Variants in NALCN observed in about 807,000 individuals in gnomAD.
The protein encoded by NALCN is sodium leak channel NALCN.
In NALCN, 111 loss-of-function variants were observed where a neutral mutation model predicts 225.3. The observed-to-expected ratio is 0.49, with a 90% CI of 0.42 to 0.58. NALCN has a LOEUF of 0.58. Among genes scored for constraint, NALCN ranks in the 20% least tolerant of loss-of-function variants. NALCN has a pLI of 0.00. For missense variants in NALCN, 1,378 were observed against 2,202.4 expected, an observed-to-expected ratio of 0.63 and a Z score of 7.49; for synonymous variants, 764 against 769.0, an observed-to-expected ratio of 0.99 and a Z score of 0.11.
At chr13:101,116,419 A>G in intron 18 of NALCN, 1 of 395,532 alleles carries the variant, frequency 2.5e-6, no homozygotes, top group South Asian at 2.2e-5. Flanking sequence ...AAATATTTTA[A>G]AATTGGCCCA....
intron 40 of NALCN, among the ~76,000 whole-genome samples, chr13:101,064,425 A>G (rs556326709): frequency 6.6e-6 from 1 of 152,200 alleles, no homozygotes; most frequent in Non-Finnish European, 1.5e-5. Flanking sequence ...GTACCTCAGA[A>G]CGTAAGGTTA....
intron 7 of NALCN, among the ~76,000 whole-genome samples, chr13:101,321,753 C>G (rs2044753017): frequency 6.6e-6 from 1 of 151,972 alleles, no homozygotes; most frequent in Non-Finnish European, 1.5e-5. Flanking sequence ...AAACAACACT[C>G]CATATATTCT....
chr13:101,141,771 A>G (rs2037090781), intron 17 of NALCN, among the ~76,000 whole-genome samples: 4 of 152,190 alleles, frequency 2.6e-5, no homozygotes, highest in Non-Finnish European at 5.9e-5. Flanking sequence ...GAGAGAAAGA[A>G]GATCCTGGAG....
chr13:101,073,631 G>A lies in NALCN; in HGVS notation c.4150C>T (p.Arg1384Ter), dbSNP rs1031314447. Residue 1384 changes from arginine (R) to a stop codon, truncating the protein, a stop_gained, in exon 37 of 44, where the codon CGA becomes TGA. Transcript: ENST00000251127. LOFTEE classifies it high-confidence loss of function. ...SAGKAITVLF[R>*]IVTGEDWNKI... ...TTCCAGTCTTCACCTGTGACAATTCGGAACAGTACGGTAATAGCTTTTCCA... is the reference window on the plus strand; with the variant it reads ...TTCCAGTCTTCACCTGTGACAATTCAGAACAGTACGGTAATAGCTTTTCCA... 1.9e-6 allele frequency: 3 copies of A among 1,613,336 alleles called. No homozygotes were observed. The highest frequency in any genetic ancestry group is 1.7e-5 in the Admixed American group (1 of 59,954).
At chr13:101,056,152 C>A (rs1314373856) in intron 43 of NALCN, among the ~76,000 whole-genome samples, 1 of 151,908 alleles carries the variant, frequency 6.6e-6, no homozygotes, top group Non-Finnish European at 1.5e-5. Context: ...TTCTTCTCCT[C>A]TGCCTCCTCA....
intron 15 of NALCN, among the ~76,000 whole-genome samples, chr13:101,165,618 C>T (rs781577777): frequency 2.0e-5 from 3 of 152,288 alleles, no homozygotes; most frequent in Middle Eastern, 3.4e-3. Flanking sequence ...TACAGGCATG[C>T]GCCACCATGT....
chr13:101,120,134 G>A (rs2035901481), intron 18 of NALCN, among the ~76,000 whole-genome samples: 1 of 152,076 alleles, frequency 6.6e-6, no homozygotes, highest in Non-Finnish European at 1.5e-5. Flanking sequence ...GGAATTTCCT[G>A]TTCATAGTAA....
intron 34 of NALCN, among the ~76,000 whole-genome samples, chr13:101,080,195 G>C (rs2033532732): frequency 6.6e-6 from 1 of 152,090 alleles, no homozygotes. Context: ...ATTAGTCAAG[G>C]CTGGAAAATG....
At chr13:101,402,654 C>T (rs1398353594) in intron 1 of NALCN, among the ~76,000 whole-genome samples, 1 of 152,134 alleles carries the variant, frequency 6.6e-6, no homozygotes, top group Admixed American at 6.5e-5. Flanking sequence ...CTACTTAACC[C>T]CTTAAGTGAT....
intron 13 of NALCN, among the ~76,000 whole-genome samples, chr13:101,196,262 TC>T (rs750004348): frequency 1.3e-5 from 2 of 152,190 alleles, no homozygotes; most frequent in Non-Finnish European, 2.9e-5. Flanking sequence ...CTTTCTTTCT[TC>T]TATCTCAAGT....
intron 20 of NALCN, among the ~76,000 whole-genome samples, chr13:101,109,570 T>C (rs1566823552): frequency 6.6e-6 from 1 of 152,178 alleles, no homozygotes; most frequent in Non-Finnish European, 1.5e-5. Flanking sequence ...TTGCTAGCCC[T>C]CCTTTCTCAA....
chr13:101,371,093 A>G (rs1241497866), intron 6 of NALCN, among the ~76,000 whole-genome samples: 2 of 152,156 alleles, frequency 1.3e-5, no homozygotes, highest in Non-Finnish European at 2.9e-5. Flanking sequence ...ATAGTTCATT[A>G]TTTATTATTA....
chr13:101,391,825 A>AAT (rs2047154736), intron 3 of NALCN, among the ~76,000 whole-genome samples: 1 of 149,008 alleles, frequency 6.7e-6, no homozygotes, highest in African/African-American at 2.6e-5. Flanking sequence ...TCTACTAAAC[A>AAT]CACAAAAAGT....
intron 14 of NALCN, among the ~76,000 whole-genome samples, chr13:101,179,653 T>A (rs1276481437): frequency 6.6e-6 from 1 of 152,118 alleles, no homozygotes; most frequent in East Asian, 1.9e-4. Flanking sequence ...TACAGGGGGT[T>A]TGGGGCTTTC....
chr13:101,266,742 A>G (rs1222754557), intron 10 of NALCN, among the ~76,000 whole-genome samples: 1 of 152,256 alleles, frequency 6.6e-6, no homozygotes, highest in Non-Finnish European at 1.5e-5. Context: ...AGCCATGAAC[A>G]TAAGAACAAG....
At chr13:101,410,412 C>T (rs1181956819) in intron 1 of NALCN, among the ~76,000 whole-genome samples, 1 of 152,172 alleles carries the variant, frequency 6.6e-6, no homozygotes, top group Non-Finnish European at 1.5e-5. Flanking sequence ...TTATAAGCAA[C>T]ACAGGCAAAA....
chr13:101,413,403 T>C (rs9582479), intron 1 of NALCN, among the ~76,000 whole-genome samples: 15,318 of 151,988 alleles, frequency 0.1, 2,501 homozygotes, highest in African/African-American at 0.35. Context: ...ACACTGTTTA[T>C]AATGATGAAA....
chr13:101,107,582 C>T lies in NALCN; in HGVS notation c.2484G>A (p.Glu828=). 1.9e-6 allele frequency: 3 copies of T among 1,614,142 alleles called. No individual in the cohort carries two copies. The highest frequency in any genetic ancestry group is 2.5e-6 in the Non-Finnish European group (3 of 1,179,986). Residue 828 remains glutamate, a synonymous_variant, in exon 22 of 44, where the codon GAG becomes GAA. Coordinates refer to ENST00000251127, the MANE Select transcript of NALCN (RefSeq NM_052867.4). ...KRKVQEEELR[E]NHPYFDKPLF... ...GTGGCTTATCGAAGTATGGGTGGTT[C>T]TCTCTGAGTTCCTCTTCTTGCACTT...
chr13:101,161,160 C>T (rs372788250), intron 15 of NALCN, among the ~76,000 whole-genome samples: 35 of 152,196 alleles, frequency 2.3e-4, no homozygotes, highest in South Asian at 1.7e-3. Context: ...CATTGACCTA[C>T]GCCACATGTC....
Sources: gnomAD v4.1 joint callset for allele counts (sites outside exome capture counted in the v4.1 genomes callset) on GRCh38, gnomAD v4.1.1 for gene constraint, MANE v1.5 for transcripts, NCBI Gene and HGNC (gene_info 2026-07-23, HGNC 2026-07-21) for gene names.